Variants in CCDC122 observed in about 807,000 individuals in gnomAD.
CCDC122 encodes coiled-coil domain-containing protein 122.
CCDC122 carries 38 observed loss-of-function variants against 37.0 expected under a neutral mutation model. The observed-to-expected ratio is 1.03, with a 90% CI of 0.79 to 1.35. CCDC122 has a LOEUF of 1.35. CCDC122 is among the 40% of genes most tolerant of loss of function. CCDC122 has a pLI of 0.00. For missense variants in CCDC122, 305 were observed against 310.0 expected (o/e 0.98, Z 0.12); for synonymous variants, 83 against 95.6 (o/e 0.87, Z 0.77).
Position 43,859,881 on chromosome 13 carries a change from C to A in CCDC122, c.346G>T (p.Glu116Ter), listed in dbSNP as rs1954050836. 1 of 1,605,230 alleles carries A rather than the reference C, an allele frequency of 6.2e-7. No homozygotes were observed. The highest frequency in any genetic ancestry group is 8.5e-7 in the Non-Finnish European group (1 of 1,176,666). Residue 116 changes from glutamate to a stop codon, truncating the protein, a stop_gained, in exon 5 of 7, where the codon GAA (glutamate) becomes TAA (stop). Coordinates refer to ENST00000444614, the MANE Select transcript of CCDC122 (RefSeq NM_144974.5). LOFTEE classifies it high-confidence loss of function. ...KLKFDIETAQ[E>*]DFEEHMIKYN... Reference sequence around the variant, plus strand: ...TTTATCATGTGTTCCTCAAAATCTTCTTGGGCTGTTTCTATGTCAAATTTA... The same window carrying A: ...TTTATCATGTGTTCCTCAAAATCTTATTGGGCTGTTTCTATGTCAAATTTA...
chr13:43,851,014 T>C lies in CCDC122; in HGVS notation c.672+7767A>G, dbSNP rs148578406. Among the ~76,000 whole-genome samples the C allele has an allele frequency of 4.4e-3, 665 of 152,170 alleles. 5 individuals carry two copies. Among genetic ancestry groups the C allele is most frequent in the African/African-American group, 0.015 (639 of 41,508 alleles). ...ATTTGAATTACAGCAGATTTTGCAC[T>C]AGAAATCACAGAGACCAAAATGAAG... On this transcript the variant is annotated intron_variant, in intron 6 of 6. Transcript: ENST00000444614.
intron 4 of CCDC122, among the ~76,000 whole-genome samples, chr13:43,863,835 T>C (rs1348922196): frequency 6.6e-6 from 1 of 152,218 alleles, no homozygotes; most frequent in East Asian, 1.9e-4. Context: ...GTTTTCATAA[T>C]AGTGTATATT....
chr13:43,855,219 A>G (rs1444782168), intron 6 of CCDC122: 1 of 152,178 alleles, frequency 6.6e-6, no homozygotes, highest in East Asian at 1.9e-4. Context: ...TGCTATATCT[A>G]GAAAACCCAA....
At chr13:43,869,546 T>C (rs1594857389) in intron 2 of CCDC122, 57 bp from the exon 3 acceptor site, 2 of 551,420 alleles carry the variant, frequency 3.6e-6, no homozygotes, top group Non-Finnish European at 6.3e-6. Flanking sequence ...CATTTTATCA[T>C]TAGTGCCAAG....
chr13:43,847,115 T>C (rs1179849602), intron 6 of CCDC122, among the ~76,000 whole-genome samples: 1 of 152,216 alleles, frequency 6.6e-6, no homozygotes, highest in Non-Finnish European at 1.5e-5. Flanking sequence ...AATTAAGGTA[T>C]GGCCAAATTG....
In CCDC122 at chr13:43,866,684, C is replaced by T. The variant is rs79944357; in HGVS notation, c.156+2010G>A. Among the ~76,000 whole-genome samples the T allele has an allele frequency of 2.9e-4, 44 of 152,186 alleles. No homozygotes were observed. The East Asian group carries it at 8.5e-3, about 29-fold the overall frequency. On this transcript the variant is annotated intron_variant, in intron 4 of 6. Coordinates refer to ENST00000444614, the MANE Select transcript of CCDC122 (RefSeq NM_144974.5). ...TTTGCCCCTAAGTATTGAATGGTTT[C>T]GATGGCATTGTAAGTAGTATTGCTT...
In CCDC122 at chr13:43,827,370, G is replaced by T. The variant is rs112640639; in HGVS notation, n.602-3359C>A. Among the ~76,000 whole-genome samples the T allele has an allele frequency of 1.8e-3, 269 of 152,074 alleles. 1 individual carries two copies. In the Middle Eastern group the frequency reaches 0.027, roughly 15 times the overall value. ...ATCATAAGTGAATTATCTTTTATTT[G>T]GTATCATCTTATGTCAATCAAATGC... On this transcript the variant is annotated intron_variant and non_coding_transcript_variant, in intron 3 of 3. Transcript: ENST00000470137.
chr13:43,825,070 T>G (rs1953027044), intron 3 of CCDC122, among the ~76,000 whole-genome samples: 1 of 152,200 alleles, frequency 6.6e-6, no homozygotes, highest in African/African-American at 2.4e-5. Flanking sequence ...GGAAAATAAA[T>G]TGTTCTACCA....
chr13:43,826,041 C>T (rs909751493), intron 3 of CCDC122, among the ~76,000 whole-genome samples: 8 of 152,204 alleles, frequency 5.3e-5, no homozygotes, highest in African/African-American at 1.9e-4. Flanking sequence ...ACACAACTTA[C>T]AGTCACTCTT....
downstream of CCDC122, among the ~76,000 whole-genome samples, chr13:43,835,105 A>C (rs914055430): frequency 6.6e-6 from 1 of 152,134 alleles, no homozygotes; most frequent in African/African-American, 2.4e-5. Context: ...TGTGGCACAT[A>C]TACACCATGG....
chr13:43,864,273 G>T (rs1954204497), intron 4 of CCDC122, among the ~76,000 whole-genome samples: 2 of 152,176 alleles, frequency 1.3e-5, no homozygotes. Flanking sequence ...TGGTAACATG[G>T]AAAGATATTT....
chr13:43,869,356 C>G lies in CCDC122; in HGVS notation c.21G>C (p.Arg7Ser). Reference sequence around the variant, plus strand: ...CTTCTTTAGGAAATCCTTGACTCTTCCTTTCTTTGTTGTCTGACATTTTCT... The same window carrying G: ...CTTCTTTAGGAAATCCTTGACTCTTGCTTTCTTTGTTGTCTGACATTTTCT... The part of the protein sequence containing the change: MSDNKE[R>S]KSQGFPKEDN... The change falls in exon 3 of 7, where the codon AGG (arginine) becomes AGC (serine). Residue 7 changes from arginine (R) to serine (S), a missense_variant. Transcript: ENST00000444614. 6.2e-7 allele frequency: 1 copy of G among 1,608,286 alleles called. No individual in the cohort carries two copies. Among genetic ancestry groups the G allele is most frequent in the East Asian group, 2.2e-5 (1 of 44,636 alleles).
At chr13:43,829,506 A>C (rs9533641) in intron 3 of CCDC122, among the ~76,000 whole-genome samples, 9,227 of 152,148 alleles carry the variant, frequency 0.061, 366 homozygotes, top group Non-Finnish European at 0.089. Context: ...GGGTTTTGAC[A>C]TGCTGGCCAG....
chr13:43,823,333 T>C (rs1003240501), downstream of CCDC122, among the ~76,000 whole-genome samples: 1 of 152,080 alleles, frequency 6.6e-6, no homozygotes, highest in Non-Finnish European at 1.5e-5. Flanking sequence ...CAACGTCCTC[T>C]TTACTCTTTG....
chr13:43,858,855 C>T lies in CCDC122; in HGVS notation c.598G>A (p.Glu200Lys). 7.1e-7 allele frequency: 1 copy of T among 1,408,410 alleles called. No individual in the cohort carries two copies. Among genetic ancestry groups the T allele is most frequent in the Non-Finnish European group, 9.5e-7 (1 of 1,047,812 alleles). The allele number at this position is 1,408,410 out of a possible 1,614,324, so 87.2% of individuals were successfully genotyped here. A position where few individuals can be genotyped will look rare whatever the true frequency, so the allele number is the denominator to read the frequency against. ...NLKDKIITVKESIIEKTCFLE... is the reference protein window; with the variant it reads ...NLKDKIITVKKSIIEKTCFLE... The stretch of plus-strand genomic sequence containing the variant: ...AAACAAGTTTTTTCAATGATAGATT[C>T]TTTTACAGTTATAATTTTATCCTTT... The change falls in exon 6 of 7, where the codon GAA (glutamate) becomes AAA (lysine). Residue 200 changes from glutamate (E) to lysine (K), a missense_variant. Glu to Lys is a moderately conservative substitution (Grantham distance 56). Coordinates refer to ENST00000444614, the MANE Select transcript of CCDC122 (RefSeq NM_144974.5).
chr13:43,837,274 G>A lies in CCDC122; in HGVS notation c.*6C>T, dbSNP rs66964055. On this transcript the variant is annotated 3_prime_UTR_variant, in exon 7 of 7. Coordinates refer to ENST00000444614, the MANE Select transcript of CCDC122 (RefSeq NM_144974.5). Reference sequence around the variant, plus strand: ...GGTCTGTGTTCCACATTGCCCTATGGCAATGTTACTCTTGCATTCCAATGC... The same window carrying A: ...GGTCTGTGTTCCACATTGCCCTATGACAATGTTACTCTTGCATTCCAATGC... 130,412 of 1,612,164 alleles carry A rather than the reference G, an allele frequency of 0.081. 5,886 individuals carry two copies. The highest frequency in any genetic ancestry group is 0.1 in the African/African-American group (7,714 of 74,912).
rs536601832 is a variant in CCDC122 at position 43,837,350 on chromosome 13, C to T, written c.752G>A (p.Trp251Ter). The T allele has an allele frequency of 1.9e-6, 3 of 1,613,972 alleles. No homozygotes were observed. The highest frequency in any genetic ancestry group is 2.7e-5 in the African/African-American group (2 of 75,028). ...VNKLQSNRRQ[W>*]QWNIQQLEKT... ...TTCCAATTGTTGAATGTTCCATTGCCACTGTCGTCTATTTGACTGAAGCTT... is the reference window on the plus strand; with the variant it reads ...TTCCAATTGTTGAATGTTCCATTGCTACTGTCGTCTATTTGACTGAAGCTT... The change falls in exon 7 of 7, where the codon TGG (tryptophan) becomes TAG (stop). Residue 251 changes from tryptophan to a stop codon, truncating the protein, a stop_gained. Coordinates refer to ENST00000444614, the MANE Select transcript of CCDC122 (RefSeq NM_144974.5). LOFTEE classifies it high-confidence loss of function.
At chr13:43,868,615 A>C in intron 4 of CCDC122, 79 bp downstream of exon 4, 1 of 702,304 alleles carries the variant, frequency 1.4e-6, no homozygotes, top group South Asian at 2.3e-5. Flanking sequence ...ACTCCCAATA[A>C]TAAGTATTTT....
At chr13:43,850,522 C>A (rs528684397) in intron 6 of CCDC122, among the ~76,000 whole-genome samples, 1 of 152,078 alleles carries the variant, frequency 6.6e-6, no homozygotes, top group Non-Finnish European at 1.5e-5. Context: ...CTAAAAGGTA[C>A]AATAACCAAA....
Sources: allele counts gnomAD v4.1 joint callset (sites outside exome capture counted in the v4.1 genomes callset), GRCh38; gene constraint gnomAD v4.1.1; transcripts MANE v1.5; gene names NCBI Gene and HGNC (gene_info 2026-07-23, HGNC 2026-07-21).